The following THSD4 variants were observed in gnomAD, a reference collection of about 807,000 sequenced individuals.
THSD4 encodes thrombospondin type-1 domain-containing protein 4.
In THSD4, 69 loss-of-function variants were observed where a neutral mutation model predicts 119.0. The ratio of observed to expected loss-of-function variants is 0.58; its 90% CI spans 0.48 to 0.71. The LOEUF is 0.71. THSD4 is among the 30% of genes least tolerant of loss of function. The pLI is 0.00. For missense variants in THSD4, 1,393 were observed against 1,391.1 expected (o/e 1.00, Z -0.02); for synonymous variants, 524 against 540.4 (o/e 0.97, Z 0.42).
intron 7 of THSD4, among the ~76,000 whole-genome samples, chr15:71,538,796 A>G (rs2048720639): frequency 2.0e-5 from 3 of 152,222 alleles, no homozygotes; most frequent in Non-Finnish European, 4.4e-5. Flanking sequence ...TACAGTCAAC[A>G]TGAGAATGGT....
intron 6 of THSD4, among the ~76,000 whole-genome samples, chr15:71,298,671 G>T (rs547453037): frequency 5.3e-4 from 78 of 147,662 alleles, no homozygotes; most frequent in Non-Finnish European, 8.7e-4. Flanking sequence ...CGAGTGCAGT[G>T]GTGCGATCTC....
chr15:71,730,463 A>G (rs1231490832), intron 9 of THSD4: 2 of 152,260 alleles, frequency 1.3e-5, no homozygotes, highest in Non-Finnish European at 1.5e-5. Context: ...AGCCCAGACA[A>G]TGTTCAGCTG....
At chr15:71,621,639 T>G (rs1175266443) in intron 7 of THSD4, among the ~76,000 whole-genome samples, 6 of 152,214 alleles carry the variant, frequency 3.9e-5, no homozygotes, top group African/African-American at 1.4e-4. Flanking sequence ...TTTCAAAAAT[T>G]AATAGCTATG....
intron 3 of THSD4, among the ~76,000 whole-genome samples, chr15:71,195,543 G>GC (rs750092937): frequency 5.0e-4 from 76 of 152,276 alleles, no homozygotes; most frequent in Middle Eastern, 3.4e-3. Flanking sequence ...GTAGGGGGTG[G>GC]CCAGGGGAGG....
intron 8 of THSD4, among the ~76,000 whole-genome samples, chr15:71,715,011 T>A (rs554415024): frequency 2.0e-5 from 3 of 152,320 alleles, no homozygotes; most frequent in South Asian, 4.2e-4. Flanking sequence ...ATAACCCTTA[T>A]AACTCCAGAG....
At chr15:71,200,975 A>C (rs2043799032) in intron 3 of THSD4, among the ~76,000 whole-genome samples, 1 of 152,176 alleles carries the variant, frequency 6.6e-6, no homozygotes, top group Admixed American at 6.5e-5. Flanking sequence ...GCTCACTTAT[A>C]ATCATTCCCA....
intron 7 of THSD4, among the ~76,000 whole-genome samples, chr15:71,518,781 C>G (rs1379812407): frequency 6.6e-6 from 1 of 152,090 alleles, no homozygotes; most frequent in Non-Finnish European, 1.5e-5. Context: ...CAGGACAGAG[C>G]TTTGTGGTCT....
chr15:71,712,393 C>T (rs1020481065), intron 8 of THSD4, among the ~76,000 whole-genome samples: 1 of 152,146 alleles, frequency 6.6e-6, no homozygotes, highest in Non-Finnish European at 1.5e-5. Flanking sequence ...AAATCTGTGG[C>T]ATTAAATGCT....
chr15:71,256,632 G>A lies in THSD4; in HGVS notation c.932G>A (p.Arg311Lys), dbSNP rs769750033. 1 of 1,614,006 alleles carries A rather than the reference G, an allele frequency of 6.2e-7. No individual in the cohort carries two copies. Among genetic ancestry groups the A allele is most frequent in the African/African-American group, 1.3e-5 (1 of 75,052 alleles). Residue 311 changes from arginine (R) to lysine (K), a missense_variant, in exon 6 of 18, where the codon AGA becomes AAA. Coordinates refer to ENST00000261862, the MANE Select transcript of THSD4 (RefSeq NM_024817.3). Reference sequence around the variant, plus strand: ...TATTAGGTATGTCCAGAAAGCAGTAGAAGTATCCGGGAGGTACAGTGTGCA... The same window carrying A: ...TATTAGGTATGTCCAGAAAGCAGTAAAAGTATCCGGGAGGTACAGTGTGCA... ...CNTNVCPESS[R>K]SIREVQCASY... is the part of the protein sequence containing the mutation.
chr15:71,140,227 C>G (rs2040589510), intron 1 of THSD4, among the ~76,000 whole-genome samples: 1 of 152,156 alleles, frequency 6.6e-6, no homozygotes, highest in Non-Finnish European at 1.5e-5. Flanking sequence ...CCCAGTTCTG[C>G]AGGCTGTACA....
intron 6 of THSD4, among the ~76,000 whole-genome samples, chr15:71,339,691 A>C (rs777928583): frequency 1.4e-4 from 21 of 152,148 alleles, no homozygotes; most frequent in Non-Finnish European, 2.8e-4. Context: ...GGAATAATAA[A>C]AGTAACTACC....
At chr15:71,330,342 T>C (rs2045405432) in intron 6 of THSD4, among the ~76,000 whole-genome samples, 3 of 152,194 alleles carry the variant, frequency 2.0e-5, no homozygotes, top group African/African-American at 7.2e-5. Context: ...AAAGCTATTC[T>C]AAGAATGGCA....
At chr15:71,156,713 C>T (rs1245616220) in intron 3 of THSD4, among the ~76,000 whole-genome samples, 1 of 152,212 alleles carries the variant, frequency 6.6e-6, no homozygotes, top group Non-Finnish European at 1.5e-5. Flanking sequence ...TGTTTGGGCT[C>T]TGTTTTTCTG....
At chr15:71,518,071 C>T (rs1344820085) in intron 7 of THSD4, among the ~76,000 whole-genome samples, 1 of 152,164 alleles carries the variant, frequency 6.6e-6, no homozygotes, top group Non-Finnish European at 1.5e-5. Context: ...GCCAAGTGGA[C>T]CCAAGAGCCC....
chr15:71,116,633 G>A (rs1274990572), intron 1 of THSD4, among the ~76,000 whole-genome samples: 1 of 152,130 alleles, frequency 6.6e-6, no homozygotes, highest in Non-Finnish European at 1.5e-5. Context: ...GCTTGGACGT[G>A]GGTAGCAATC....
intron 3 of THSD4, among the ~76,000 whole-genome samples, chr15:71,173,683 A>G (rs1051289146): frequency 6.6e-6 from 1 of 151,868 alleles, no homozygotes; most frequent in Admixed American, 6.6e-5. Context: ...TGAAATTTAT[A>G]TGGAGTCTCA....
intron 7 of THSD4, among the ~76,000 whole-genome samples, chr15:71,423,426 C>G (rs2046833167): frequency 6.6e-6 from 1 of 152,162 alleles, no homozygotes; most frequent in African/African-American, 2.4e-5. Context: ...CCTGCCAGGA[C>G]TGGGTCCTTC....
At chr15:71,317,890 A>G (rs1217557049) in intron 6 of THSD4, among the ~76,000 whole-genome samples, 1 of 152,218 alleles carries the variant, frequency 6.6e-6, no homozygotes, top group Non-Finnish European at 1.5e-5. Context: ...TAAATGAGAT[A>G]CACTACCTAA....
chr15:71,516,298 C>T (rs1450509333), intron 7 of THSD4, among the ~76,000 whole-genome samples: 5 of 152,050 alleles, frequency 3.3e-5, no homozygotes, highest in Admixed American at 3.3e-4. Flanking sequence ...ATCATCATTG[C>T]CATTTTGTCC....
Sources: gnomAD v4.1 joint callset for allele counts (sites outside exome capture counted in the v4.1 genomes callset) on GRCh38, gnomAD v4.1.1 for gene constraint, MANE v1.5 for transcripts, NCBI Gene and HGNC (gene_info 2026-07-23, HGNC 2026-07-21) for gene names.